Variants in SLC6A12 observed in about 807,000 individuals in gnomAD.
SLC6A12 encodes solute carrier family 6 member 12.
In SLC6A12, 50 loss-of-function variants were observed where a neutral mutation model predicts 73.3. The observed-to-expected ratio is 0.68, with a 90% CI of 0.54 to 0.86. The LOEUF (loss-of-function observed/expected upper bound fraction) is 0.86, where lower values mean the gene tolerates loss of function less well. Ranked by LOEUF, SLC6A12 falls within the 40% of genes least tolerant of loss-of-function variation. The probability of loss-of-function intolerance (pLI) is 0.00; values close to 1 mark genes in which losing one functional copy is unlikely to be tolerated. For missense variants in SLC6A12, 648 were observed against 772.8 expected, an observed-to-expected ratio of 0.84 and a Z score of 1.92; for synonymous variants, 304 against 309.2, an observed-to-expected ratio of 0.98 and a Z score of 0.18.
the SLC6A12 span, among the ~76,000 whole-genome samples, chr12:183,968 A>G: frequency 1.3e-5 from 2 of 152,138 alleles, no homozygotes; most frequent in African/African-American, 4.8e-5. Flanking sequence ...TGTAATCTCA[A>G]AAACAAAAAC....
At position 198,577 on chromosome 12, in the gene SLC6A12, G is replaced by C. The variant is rs955138757; in HGVS notation, c.846+220C>G. Reference sequence around the variant, plus strand: ...AGACCCTGCCTGTCTCTAAGTAAGAGAAAAAAAATTTTTTAAGAAAAAAAG... The same window carrying C: ...AGACCCTGCCTGTCTCTAAGTAAGACAAAAAAAATTTTTTAAGAAAAAAAG... On this transcript the variant is annotated intron_variant, in intron 8 of 15. Coordinates refer to ENST00000684302, the MANE Select transcript of SLC6A12 (RefSeq NM_001122848.3). The surrounding 1 kb of genome is among the most constrained non-coding windows in gnomAD (Gnocchi z 4.0). The C allele has an allele frequency of 3.4e-5, 16 of 472,698 alleles. No individual in the cohort carries two copies. Among genetic ancestry groups the C allele is most frequent in the African/African-American group, 3.2e-4 (16 of 50,422 alleles). The allele number at this position is 472,698 out of a possible 1,614,324, so 29.3% of individuals were successfully genotyped here.
downstream of SLC6A12, among the ~76,000 whole-genome samples, chr12:185,786 G>A (rs528216486): frequency 1.3e-5 from 2 of 152,188 alleles, no homozygotes; most frequent in Non-Finnish European, 2.9e-5. Context: ...GCTGGAGTGC[G>A]GGTCGCCAGG....
downstream of SLC6A12, among the ~76,000 whole-genome samples, chr12:189,804 T>C (rs1466137363): frequency 2.0e-5 from 3 of 150,432 alleles, no homozygotes; most frequent in Non-Finnish European, 4.4e-5. Context: ...GGTGGAGCCA[T>C]GTGTGGCAGC....
At chr12:185,891 C>T (rs894428398), downstream of SLC6A12, among the ~76,000 whole-genome samples, 4 of 152,226 alleles carry the variant, frequency 2.6e-5, no homozygotes, top group Non-Finnish European at 2.9e-5. Flanking sequence ...CTCCCATGGC[C>T]GCTGCATCAA....
Position 196,045 on chromosome 12 carries a change from G to A in SLC6A12, c.1326+79C>T. ...CCTCGTCAGCAGATAAGAAAAGTGA[G>A]GCTCTGAGCAGGGTCAGCAGTGTCC... On this transcript the variant is annotated intron_variant, in intron 12 of 15. Transcript: ENST00000684302. The A allele has an allele frequency of 2.2e-6, 3 of 1,361,152 alleles. No individual in the cohort carries two copies. The South Asian group carries it at 4.1e-5, about 18-fold the overall frequency. The allele number at this position is 1,361,152 out of a possible 1,614,324, so 84.3% of individuals were successfully genotyped here. A position where few individuals can be genotyped will look rare whatever the true frequency, so the allele number is the denominator to read the frequency against.
chr12:197,808 AGGTCTG>A, intron 9 of SLC6A12, 86 bp downstream of exon 9: 1 of 878,882 alleles, frequency 1.1e-6, no homozygotes, highest in Non-Finnish European at 1.8e-6. Flanking sequence ...TGAATAAGGA[AGGTCTG>A]GGCCCAGAGA....
At position 190,956 on chromosome 12, in the gene SLC6A12, G is replaced by T; in HGVS notation, c.*112C>A. On this transcript the variant is annotated 3_prime_UTR_variant, in exon 16 of 16. Transcript: ENST00000684302. Reference sequence around the variant, plus strand: ...CTGGGGGTGCCTGTGGCTCTCCAGAGGTTCCCAGCAGGATTGTGGCAGGAG... The same window carrying T: ...CTGGGGGTGCCTGTGGCTCTCCAGATGTTCCCAGCAGGATTGTGGCAGGAG... 1 of 983,786 alleles carries T rather than the reference G, an allele frequency of 1.0e-6. No individual in the cohort carries two copies. The highest frequency in any genetic ancestry group is 1.7e-5 in the African/African-American group (1 of 59,558). The allele number at this position is 983,786 out of a possible 1,614,324, so 60.9% of individuals were successfully genotyped here.
Position 201,803 on chromosome 12 carries a change from G to T in SLC6A12, c.537C>A (p.Thr179=). 2 of 1,614,126 alleles carry T rather than the reference G, an allele frequency of 1.2e-6. No homozygotes were observed. The highest frequency in any genetic ancestry group is 1.3e-5 in the African/African-American group (1 of 75,046). Residue 179 remains threonine, a synonymous_variant, in exon 6 of 16, where the codon ACC becomes ACA. Coordinates refer to ENST00000684302, the MANE Select transcript of SLC6A12 (RefSeq NM_001122848.3). Reference sequence around the variant, plus strand: ...CAGGTGAGGTAAAATTCTCAAATGGGGTCACTGTGCCGGCTCCTGAGTGGT... The same window carrying T: ...CAGGTGAGGTAAAATTCTCAAATGGTGTCACTGTGCCGGCTCCTGAGTGGT... ...FLNHSGAGTV[T]PFENFTSPVM... is the part of the protein sequence containing the mutation.
chr12:213,281 C>T lies in SLC6A12; in HGVS notation c.-143+641G>A, dbSNP rs1940981476. On this transcript the variant is annotated intron_variant, in intron 1 of 15. Transcript: ENST00000684302. This position sits in a 1 kb window ranked among gnomAD's most constrained non-coding sequence, Gnocchi z 5.3. ...CCATTTCCCGTCACGTCCCTTCGCACACACATACCTGTGTGCATGGCACCA... is the reference window on the plus strand; with the variant it reads ...CCATTTCCCGTCACGTCCCTTCGCATACACATACCTGTGTGCATGGCACCA... 1 of 152,490 alleles carries T rather than the reference C, an allele frequency of 6.6e-6. No individual in the cohort carries two copies. The highest frequency in any genetic ancestry group is 2.4e-5 in the African/African-American group (1 of 41,462). The allele number at this position is 152,490 out of a possible 1,614,324, so 9.4% of individuals were successfully genotyped here.
At chr12:188,834 GC>G (rs1426087992), downstream of SLC6A12, among the ~76,000 whole-genome samples, 1 of 152,152 alleles carries the variant, frequency 6.6e-6, no homozygotes. Context: ...GGTGAGGTTG[GC>G]CCGAAGTCCC....
downstream of SLC6A12, among the ~76,000 whole-genome samples, chr12:185,222 A>G (rs1462567079): frequency 6.6e-6 from 1 of 152,226 alleles, no homozygotes; most frequent in Non-Finnish European, 1.5e-5. Context: ...CTGGCCGGGT[A>G]AGGCCGCTCC....
At chr12:197,536 G>A (rs1939984165) in intron 9 of SLC6A12, 35 bp from the exon 10 acceptor site, 3 of 1,591,160 alleles carry the variant, frequency 1.9e-6, no homozygotes, top group Non-Finnish European at 2.6e-6. Flanking sequence ...CAGGAACGGG[G>A]AGGAAAAGAG....
chr12:188,465 CCT>C (rs35042967), downstream of SLC6A12, among the ~76,000 whole-genome samples: 10,871 of 152,266 alleles, frequency 0.071, 463 homozygotes, highest in East Asian at 0.12. Context: ...TCCCTCCACA[CCT>C]CTCTGCAAGC....
In SLC6A12 at chr12:209,861, C is replaced by A. The variant is rs1940831009; in HGVS notation, c.126G>T (p.Lys42Asn). Residue 42 changes from lysine (K) to asparagine (N), a missense_variant, in exon 3 of 16, where the codon AAG becomes AAT. Lys to Asn is a moderately conservative substitution (Grantham distance 94). Coordinates refer to ENST00000684302, the MANE Select transcript of SLC6A12 (RefSeq NM_001122848.3). ...CGGCCACTGACAGCACAAACTCCAT[C>A]TTGTTGGTCCATTGGCCCCGATCCT... ...QVKDRGQWTN[K>N]MEFVLSVAGE... 6.2e-7 allele frequency: 1 copy of A among 1,614,200 alleles called. No homozygotes were observed. Among genetic ancestry groups the A allele is most frequent in the Non-Finnish European group, 8.5e-7 (1 of 1,180,024 alleles).
chr12:210,025 G>A lies in SLC6A12; in HGVS notation c.-39C>T. 1.9e-6 allele frequency: 3 copies of A among 1,607,954 alleles called. No individual in the cohort carries two copies. Among genetic ancestry groups the A allele is most frequent in the Non-Finnish European group, 2.6e-6 (3 of 1,175,612 alleles). On this transcript the variant is annotated 5_prime_UTR_variant, in exon 3 of 16. Transcript: ENST00000684302. Reference sequence around the variant, plus strand: ...GTTGGGAAGCCCCGCTGGGTGGGCAGGATGACGAGGGCCAAAGCCTGGTGG... The same window carrying A: ...GTTGGGAAGCCCCGCTGGGTGGGCAAGATGACGAGGGCCAAAGCCTGGTGG...
intron 3 of SLC6A12, among the ~76,000 whole-genome samples, chr12:205,951 C>T: frequency 6.6e-6 from 1 of 152,208 alleles, no homozygotes; most frequent in East Asian, 1.9e-4. Context: ...GAAACACTGT[C>T]ATAATGAAGA....
At chr12:184,232 A>C in the SLC6A12 span, among the ~76,000 whole-genome samples, 1 of 152,230 alleles carries the variant, frequency 6.6e-6, no homozygotes, top group Non-Finnish European at 1.5e-5. Flanking sequence ...ATGCAGAAAA[A>C]GCAATCCATA....
intron 5 of SLC6A12, 129 bp from the exon 6 acceptor site, chr12:201,978 A>G (rs1320180110): frequency 2.9e-6 from 2 of 695,216 alleles, no homozygotes; most frequent in Non-Finnish European, 5.0e-6. Context: ...TGGAGCCCCC[A>G]CTCTCCAGGG....
downstream of SLC6A12, among the ~76,000 whole-genome samples, chr12:187,646 A>G (rs139400334): frequency 4.7e-3 from 649 of 137,522 alleles, 18 homozygotes; most frequent in African/African-American, 0.015. Flanking sequence ...CCACACACAC[A>G]GCACCCACTG....
Sources: allele counts gnomAD v4.1 joint callset (sites outside exome capture counted in the v4.1 genomes callset), GRCh38; gene constraint gnomAD v4.1.1; non-coding constraint Gnocchi (gnomAD v3.1); transcripts MANE v1.5; gene names NCBI Gene and HGNC (gene_info 2026-07-23, HGNC 2026-07-21).